Variants in SGCG observed in about 807,000 individuals in gnomAD.
The protein encoded by SGCG is sarcoglycan gamma, also known as gamma-sarcoglycan.
In SGCG, 26 loss-of-function variants were observed where a neutral mutation model predicts 29.3. The ratio of observed to expected loss-of-function variants is 0.89; its 90% CI spans 0.65 to 1.23. The LOEUF (loss-of-function observed/expected upper bound fraction) is 1.23, where lower values mean the gene tolerates loss of function less well. Among genes scored for constraint, SGCG ranks in the 50% most tolerant of loss-of-function variants. SGCG has a pLI of 0.00. For synonymous variants in SGCG, 145 were observed against 129.7 expected, an observed-to-expected ratio of 1.12 and a Z score of -0.80; for missense variants, 353 against 356.0, an observed-to-expected ratio of 0.99 and a Z score of 0.07.
intron 4 of SGCG, among the ~76,000 whole-genome samples, chr13:23,259,728 A>G (rs1226906262): frequency 6.6e-6 from 1 of 152,184 alleles, no homozygotes; most frequent in Non-Finnish European, 1.5e-5. Context: ...CATCCCAGAG[A>G]TTCTGGTACA....
intron 5 of SGCG, among the ~76,000 whole-genome samples, chr13:23,284,405 G>A (rs1026359656): frequency 6.6e-6 from 1 of 151,960 alleles, no homozygotes; most frequent in Non-Finnish European, 1.5e-5. Context: ...TTCGGCTATT[G>A]ATACTTGTGT....
At position 23,317,022 on chromosome 13, in the gene SGCG, C is replaced by G. The variant is rs144526509; in HGVS notation, c.579-3615C>G. ...GAGATTGAGACCATCCTGGCTAACA[C>G]AGTGAAAGCTGTCTCTACCAAGATT... On this transcript the variant is annotated intron_variant, in intron 6 of 7. Coordinates refer to ENST00000218867, the MANE Select transcript of SGCG (RefSeq NM_000231.3). Among the ~76,000 whole-genome samples, 1,104 of 152,152 alleles carry G rather than the reference C, an allele frequency of 7.3e-3. 5 individuals carry two copies. Among genetic ancestry groups the G allele is most frequent in the Middle Eastern group, 0.014 (4 of 294 alleles).
chr13:23,209,444 T>C (rs1002390515), intron 2 of SGCG, among the ~76,000 whole-genome samples: 2 of 152,200 alleles, frequency 1.3e-5, no homozygotes, highest in African/African-American at 4.8e-5. Flanking sequence ...TTAGTGATTA[T>C]TCATAGGAAG....
chr13:23,194,941 G>T (rs951709581), intron 1 of SGCG, among the ~76,000 whole-genome samples: 2 of 152,106 alleles, frequency 1.3e-5, no homozygotes, highest in African/African-American at 4.8e-5. Flanking sequence ...GTAGACACAG[G>T]GTTGCAGCTG....
intron 5 of SGCG, among the ~76,000 whole-genome samples, chr13:23,283,744 G>C (rs1427854120): frequency 1.3e-5 from 2 of 152,178 alleles, no homozygotes; most frequent in Non-Finnish European, 2.9e-5. Flanking sequence ...CTTTTGCAGT[G>C]GCTGGTACCG....
intron 4 of SGCG, among the ~76,000 whole-genome samples, chr13:23,267,142 T>C (rs1222214635): frequency 6.6e-6 from 1 of 152,216 alleles, no homozygotes; most frequent in Non-Finnish European, 1.5e-5. Context: ...AACTTAAATA[T>C]GAGACACACC....
At chr13:23,313,877 A>C (rs547722426) in intron 6 of SGCG, among the ~76,000 whole-genome samples, 2 of 152,328 alleles carry the variant, frequency 1.3e-5, no homozygotes, top group East Asian at 3.9e-4. Context: ...CAGTGGGCAC[A>C]ATCTAATCAG....
chr13:23,313,248 T>C (rs566659886), intron 6 of SGCG, among the ~76,000 whole-genome samples: 2 of 151,754 alleles, frequency 1.3e-5, no homozygotes, highest in Non-Finnish European at 2.9e-5. Flanking sequence ...CACTGCAGCC[T>C]CTGCCTCCTG....
chr13:23,178,917 A>T (rs1005779443), upstream of SGCG, among the ~76,000 whole-genome samples: 2 of 152,166 alleles, frequency 1.3e-5, no homozygotes, highest in Non-Finnish European at 2.9e-5. Flanking sequence ...CTAACTGATG[A>T]CTGCAGTAGT....
At chr13:23,295,995 GC>G (rs34453835) in intron 6 of SGCG, among the ~76,000 whole-genome samples, 13,168 of 152,206 alleles carry the variant, frequency 0.087, 654 homozygotes, top group South Asian at 0.13. Context: ...TCCCTGGGGT[GC>G]CCCCCTCCCC....
chr13:23,248,045 C>T (rs201661823), intron 3 of SGCG, among the ~76,000 whole-genome samples: 3 of 150,380 alleles, frequency 2.0e-5, no homozygotes, highest in African/African-American at 4.9e-5. Flanking sequence ...AAGGCCAAAG[C>T]GGGTGGATCA....
Position 23,295,454 on chromosome 13 carries a change from C to T in SGCG, c.545C>T (p.Pro182Leu). The T allele has an allele frequency of 6.2e-7, 1 of 1,613,934 alleles. No homozygotes were observed. The highest frequency in any genetic ancestry group is 8.5e-7 in the Non-Finnish European group (1 of 1,179,910). Residue 182 changes from proline to leucine, a missense_variant, in exon 6 of 8, where the codon CCC becomes CTC. Pro to Leu is a moderately conservative substitution (Grantham distance 98). Coordinates refer to ENST00000218867, the MANE Select transcript of SGCG (RefSeq NM_000231.3). ...GALFEHSVET[P>L]LVRADPFQDL... ...CTTTTTGAACATTCAGTGGAGACAC[C>T]CCTTGTCAGAGCCGACCCGTTTCAA...
chr13:23,283,760 T>C (rs1202450550), intron 5 of SGCG, among the ~76,000 whole-genome samples: 1 of 152,244 alleles, frequency 6.6e-6, no homozygotes, highest in Non-Finnish European at 1.5e-5. Context: ...TACCGGTTTT[T>C]CCTTTCCACA....
At chr13:23,163,425 C>G in the SGCG span, among the ~76,000 whole-genome samples, 1 of 152,216 alleles carries the variant, frequency 6.6e-6, no homozygotes, top group Non-Finnish European at 1.5e-5. Flanking sequence ...AATGTCTGGA[C>G]CTAATACCTA....
the SGCG span, among the ~76,000 whole-genome samples, chr13:23,161,692 C>G: frequency 4.6e-5 from 7 of 152,246 alleles, no homozygotes; most frequent in Non-Finnish European, 8.8e-5. Flanking sequence ...GGTATTAAAA[C>G]TTCCTTTCAT....
At chr13:23,298,900 T>C (rs1429110432) in intron 6 of SGCG, among the ~76,000 whole-genome samples, 5 of 152,146 alleles carry the variant, frequency 3.3e-5, no homozygotes, top group African/African-American at 1.2e-4. Context: ...ATTGAGCAAC[T>C]TGAGTGTTAA....
intron 6 of SGCG, among the ~76,000 whole-genome samples, chr13:23,310,332 C>A (rs149696293): frequency 6.6e-6 from 1 of 151,804 alleles, no homozygotes; most frequent in South Asian, 2.1e-4. Context: ...ATGATCTGCC[C>A]GCCTCGGCCT....
rs146619774 is a variant in SGCG, at chr13:23,262,667, T to C, written c.385+11950T>C. Among the ~76,000 whole-genome samples the C allele has an allele frequency of 4.6e-5, 7 of 152,058 alleles. No homozygotes were observed. In the East Asian group the frequency reaches 1.2e-3, roughly 25 times the overall value. ...CTCTAGAACAAATACACAAAATATATTTAAATAACATTATACTCAACAAGT... is the reference window on the plus strand; with the variant it reads ...CTCTAGAACAAATACACAAAATATACTTAAATAACATTATACTCAACAAGT... On this transcript the variant is annotated intron_variant, in intron 4 of 7. Transcript: ENST00000218867.
chr13:23,279,474 A>T lies in SGCG; in HGVS notation c.501A>T (p.Val167=), dbSNP rs560640452. The T allele has an allele frequency of 1.4e-5, 23 of 1,612,930 alleles. No homozygotes were observed. In the Admixed American group the frequency reaches 2.7e-4, roughly 19 times the overall value. ...EVVVGTDKLR[V]TGPEGALFEH... The stretch of plus-strand genomic sequence containing the variant: ...TGGTTGGTACAGATAAACTTCGAGT[A>T]ACTGGTATGTACTAACTCGAGAAAA... Residue 167 remains valine, a synonymous_variant, in exon 5 of 8, where the codon GTA becomes GTT. Transcript: ENST00000218867.
Sources: gnomAD v4.1 joint callset for allele counts (sites outside exome capture counted in the v4.1 genomes callset) on GRCh38, gnomAD v4.1.1 for gene constraint, MANE v1.5 for transcripts, NCBI Gene and HGNC (gene_info 2026-07-23, HGNC 2026-07-21) for gene names.